Variants in FRMD3 observed in about 807,000 individuals in gnomAD.
The protein encoded by FRMD3 is FERM domain-containing protein 3.
Under a neutral mutation model 70.2 loss-of-function variants are expected in FRMD3, and 33 were observed. The ratio of observed to expected loss-of-function variants is 0.47; its 90% CI spans 0.36 to 0.63. The LOEUF (loss-of-function observed/expected upper bound fraction) is 0.63. Among genes scored for constraint, FRMD3 ranks in the 20% least tolerant of loss-of-function variants. FRMD3 has a pLI of 0.00. For missense variants in FRMD3, 632 were observed against 711.4 expected (o/e 0.89, Z 1.27); for synonymous variants, 279 against 255.9 (o/e 1.09, Z -0.86).
chr9:83,487,842 T>C (rs1442276181), intron 1 of FRMD3, among the ~76,000 whole-genome samples: 1 of 152,134 alleles, frequency 6.6e-6, no homozygotes, highest in Non-Finnish European at 1.5e-5. Flanking sequence ...GTACGAGGGG[T>C]AGACTCAAGG....
At chr9:83,367,267 G>A (rs182606476) in intron 3 of FRMD3, among the ~76,000 whole-genome samples, 400 of 152,262 alleles carry the variant, frequency 2.6e-3, no homozygotes, top group Non-Finnish European at 4.0e-3. Context: ...AATGAGAAGG[G>A]TATTCCCTCA....
intron 1 of FRMD3, among the ~76,000 whole-genome samples, chr9:83,499,695 T>C (rs1013145234): frequency 1.3e-5 from 2 of 152,232 alleles, no homozygotes; most frequent in African/African-American, 4.8e-5. Context: ...TTGGTGGGAA[T>C]GTAAAATGGT....
chr9:83,516,997 A>G (rs1829468186), intron 1 of FRMD3, among the ~76,000 whole-genome samples: 1 of 152,234 alleles, frequency 6.6e-6, no homozygotes, highest in East Asian at 1.9e-4. Context: ...TTAGAGCACT[A>G]GATGCCCACA....
At chr9:83,298,723 G>T in intron 12 of FRMD3, 25 bp downstream of exon 12, 1 of 1,605,874 alleles carries the variant, frequency 6.2e-7, no homozygotes, top group Non-Finnish European at 8.5e-7. Flanking sequence ...AAGCCACCTG[G>T]AACCCACAGT....
chr9:83,248,414 T>A lies in FRMD3; in HGVS notation c.1298A>T (p.Asp433Val). 3.1e-6 allele frequency: 5 copies of A among 1,614,180 alleles called. No individual in the cohort carries two copies. The highest frequency in any genetic ancestry group is 4.2e-6 in the Non-Finnish European group (5 of 1,180,032). ...GGTTAAAGGTTCTTCTTTTATTTTA[T>A]CTTCCTCTTCACTAGGGGGATCTTC... ...EYEDPPSEEE[D>V]KIKEEPLTIS... The change falls in exon 14 of 14, where the codon GAT (aspartate) becomes GTT (valine). Residue 433 changes from aspartate (D) to valine (V), a missense_variant. Asp to Val is a radical substitution (Grantham distance 152). Transcript: ENST00000304195.
intron 3 of FRMD3, among the ~76,000 whole-genome samples, chr9:83,365,153 C>T (rs1020461770): frequency 6.6e-6 from 1 of 152,140 alleles, no homozygotes; most frequent in East Asian, 1.9e-4. Context: ...GTTTCTTTTG[C>T]AAATGAGTCT....
At chr9:83,273,292 T>A (rs376884984) in intron 13 of FRMD3, among the ~76,000 whole-genome samples, 29,526 of 148,132 alleles carry the variant, frequency 0.2, 3,412 homozygotes, top group African/African-American at 0.32. Context: ...ACTAAGAAAA[T>A]TTCTTCTGCC....
intron 10 of FRMD3, among the ~76,000 whole-genome samples, chr9:83,301,146 G>A (rs182964819): frequency 3.3e-5 from 5 of 150,762 alleles, no homozygotes; most frequent in South Asian, 4.2e-4. Flanking sequence ...CATGGCCCTG[G>A]GGGGGGCCCT....
chr9:83,331,548 A>G (rs563102219), intron 6 of FRMD3, among the ~76,000 whole-genome samples: 1 of 152,308 alleles, frequency 6.6e-6, no homozygotes, highest in South Asian at 2.1e-4. Flanking sequence ...AAACCCATAG[A>G]GTGTACACCA....
At chr9:83,349,494 T>G (rs1027954485) in intron 4 of FRMD3, among the ~76,000 whole-genome samples, 185 bp downstream of exon 4, 1 of 152,162 alleles carries the variant, frequency 6.6e-6, no homozygotes, top group African/African-American at 2.4e-5. Context: ...TCAATGACAA[T>G]TGTTTTTTTA....
chr9:83,270,394 C>A (rs1442835676), intron 13 of FRMD3, among the ~76,000 whole-genome samples: 1 of 152,170 alleles, frequency 6.6e-6, no homozygotes, highest in Non-Finnish European at 1.5e-5. Context: ...GGACACAGAT[C>A]CGGGGAAAGG....
At chr9:83,324,887 T>TA (rs1316338310) in intron 6 of FRMD3, among the ~76,000 whole-genome samples, 1 of 152,326 alleles carries the variant, frequency 6.6e-6, no homozygotes, top group Non-Finnish European at 1.5e-5. Context: ...GACCTGGTTC[T>TA]AAAGTGCTTG....
chr9:83,309,952 A>G (rs1835289009), intron 9 of FRMD3, among the ~76,000 whole-genome samples: 1 of 152,172 alleles, frequency 6.6e-6, no homozygotes. Flanking sequence ...AGGAACTAGT[A>G]CTTGGGCTGA....
At chr9:83,359,103 CTG>C (rs1446400483) in intron 3 of FRMD3, among the ~76,000 whole-genome samples, 4 of 152,202 alleles carry the variant, frequency 2.6e-5, no homozygotes, top group African/African-American at 7.2e-5. Context: ...ATGATAATCA[CTG>C]TGTTTCCCCA....
the FRMD3 span, among the ~76,000 whole-genome samples, chr9:83,570,172 G>C: frequency 6.6e-6 from 1 of 152,282 alleles, no homozygotes; most frequent in East Asian, 1.9e-4. Flanking sequence ...CACTCCTCTA[G>C]GCACTGGGAC....
chr9:83,250,023 G>T (rs980034077), intron 13 of FRMD3, among the ~76,000 whole-genome samples: 2 of 152,172 alleles, frequency 1.3e-5, no homozygotes, highest in African/African-American at 4.8e-5. Context: ...AGGCAGCTGT[G>T]GTCTGCAGCA....
Position 83,310,519 on chromosome 9 carries a change from C to T in FRMD3, c.803G>A (p.Gly268Glu). The T allele has an allele frequency of 6.2e-7, 1 of 1,602,234 alleles. No individual in the cohort carries two copies. The highest frequency in any genetic ancestry group is 2.3e-5 in the East Asian group (1 of 44,364). The change falls in exon 9 of 14, where the codon GGG becomes GAG. Residue 268 changes from glycine to glutamate, a missense_variant. Physicochemically the swap from Gly to Glu is moderately conservative, Grantham distance 98. Around this residue, in one of 3 missense-constraint regions of FRMD3, gnomAD observed 418 missense variants for 442.1 expected, o/e 0.95. Coordinates refer to ENST00000304195, the MANE Select transcript of FRMD3 (RefSeq NM_174938.6). The part of the protein sequence containing the change: ...WPDVCKLKFE[G>E]KTFYVIGTQK... ...GGTGCCAATCACATAAAATGTCTTC[C>T]CTTCAAACTTCAATTTGCAGACATC...
chr9:83,430,259 T>G (rs535792269), intron 1 of FRMD3, among the ~76,000 whole-genome samples: 2 of 152,182 alleles, frequency 1.3e-5, no homozygotes, highest in South Asian at 4.2e-4. Context: ...AACACAACCC[T>G]TGTCCCACGC....
At chr9:83,418,770 C>T (rs1049381757) in intron 1 of FRMD3, among the ~76,000 whole-genome samples, 5 of 152,162 alleles carry the variant, frequency 3.3e-5, no homozygotes, top group Non-Finnish European at 7.3e-5. Flanking sequence ...CCAGCAATCC[C>T]ACTACTGGGT....
Sources: allele counts gnomAD v4.1 joint callset (sites outside exome capture counted in the v4.1 genomes callset), GRCh38; gene constraint gnomAD v4.1.1; regional missense constraint gnomAD v4.1.1; transcripts MANE v1.5; gene names NCBI Gene and HGNC (gene_info 2026-07-23, HGNC 2026-07-21).